The following QTMAN variants were observed in gnomAD, a reference collection of about 807,000 sequenced individuals.
The protein encoded by QTMAN is tRNA-queuosine alpha-mannosyltransferase.
At chr2:144,246,050 C>T in the QTMAN span, among the ~76,000 whole-genome samples, 3 of 152,158 alleles carry the variant, frequency 2.0e-5, no homozygotes, top group African/African-American at 4.8e-5. Context: ...TCCCTTAACA[C>T]AGACCTAATT....
chr2:144,060,084 T>A, the QTMAN span, among the ~76,000 whole-genome samples: 4 of 152,090 alleles, frequency 2.6e-5, no homozygotes, highest in Non-Finnish European at 5.9e-5. Flanking sequence ...CCTTCTCTGG[T>A]CAGTTCTTAA....
the QTMAN span, among the ~76,000 whole-genome samples, chr2:144,007,742 T>A: frequency 6.6e-6 from 1 of 152,092 alleles, no homozygotes; most frequent in Non-Finnish European, 1.5e-5. Context: ...CTTTGAATAG[T>A]TTCCAAAGAG....
chr2:144,019,096 T>C, the QTMAN span, among the ~76,000 whole-genome samples: 1 of 152,120 alleles, frequency 6.6e-6, no homozygotes, highest in Non-Finnish European at 1.5e-5. Context: ...GGACAAAAGA[T>C]GAGGCCTGAA....
At chr2:144,228,586 G>C in the QTMAN span, among the ~76,000 whole-genome samples, 1 of 152,162 alleles carries the variant, frequency 6.6e-6, no homozygotes, top group African/African-American at 2.4e-5. Context: ...TGGGGGGAGA[G>C]AAAACGGGAG....
the QTMAN span, among the ~76,000 whole-genome samples, chr2:144,148,906 G>A: frequency 6.6e-6 from 1 of 151,858 alleles, no homozygotes; most frequent in Non-Finnish European, 1.5e-5. Context: ...GCCCTCACTA[G>A]TTTTAAATAG....
the QTMAN span, among the ~76,000 whole-genome samples, chr2:144,198,610 C>T: frequency 6.6e-6 from 1 of 152,256 alleles, no homozygotes; most frequent in South Asian, 2.1e-4. Flanking sequence ...ATCCAGCTTG[C>T]CAATAGCCAA....
At chr2:144,200,904 C>T in the QTMAN span, among the ~76,000 whole-genome samples, 1 of 152,052 alleles carries the variant, frequency 6.6e-6, no homozygotes, top group Admixed American at 6.6e-5. Flanking sequence ...CGGTAGTGCG[C>T]AGAGCAGGAA....
At chr2:144,030,314 T>C in the QTMAN span, among the ~76,000 whole-genome samples, 3 of 152,162 alleles carry the variant, frequency 2.0e-5, no homozygotes, top group Admixed American at 1.3e-4. Flanking sequence ...ATCAGCTTCA[T>C]TGATGTTGTT....
At chr2:144,064,225 T>C in the QTMAN span, among the ~76,000 whole-genome samples, 14 of 152,154 alleles carry the variant, frequency 9.2e-5, no homozygotes, top group Admixed American at 9.2e-4. Context: ...ATAAAAGCAG[T>C]AGATCTAGCT....
the QTMAN span, among the ~76,000 whole-genome samples, chr2:144,107,734 T>A: frequency 1.3e-5 from 2 of 152,122 alleles, no homozygotes; most frequent in African/African-American, 4.8e-5. Flanking sequence ...AAAAGAGGTA[T>A]TCCTCCCTAA....
At chr2:144,099,113 G>T in the QTMAN span, among the ~76,000 whole-genome samples, 1 of 152,164 alleles carries the variant, frequency 6.6e-6, no homozygotes. Flanking sequence ...CATGACATAT[G>T]CATCTGCATT....
the QTMAN span, among the ~76,000 whole-genome samples, chr2:144,161,583 T>C: frequency 6.6e-6 from 1 of 152,068 alleles, no homozygotes; most frequent in Admixed American, 6.6e-5. Context: ...GAAAGAATGA[T>C]TGAGTCCTTT....
At chr2:143,970,423 G>C in the QTMAN span, among the ~76,000 whole-genome samples, 154 of 152,306 alleles carry the variant, frequency 1.0e-3, no homozygotes, top group Non-Finnish European at 1.7e-3. Flanking sequence ...AAGATGCACT[G>C]TATAAACTAT....
the QTMAN span, among the ~76,000 whole-genome samples, chr2:144,140,203 C>A: frequency 1.3e-5 from 2 of 151,970 alleles, no homozygotes; most frequent in African/African-American, 4.8e-5. Context: ...TATTTCTTAA[C>A]CTTTTTCTAT....
the QTMAN span, among the ~76,000 whole-genome samples, chr2:143,996,928 T>C: frequency 6.6e-6 from 1 of 152,134 alleles, no homozygotes; most frequent in Non-Finnish European, 1.5e-5. Flanking sequence ...ATAGTTTATA[T>C]AGCATGTAGG....
At chr2:144,028,797 T>C in the QTMAN span, among the ~76,000 whole-genome samples, 7 of 152,238 alleles carry the variant, frequency 4.6e-5, no homozygotes, top group Non-Finnish European at 1.0e-4. Context: ...AAGAAACTTG[T>C]TTGCAAAAGA....
chr2:144,055,334 G>GACACACACACACACACACAC, the QTMAN span, among the ~76,000 whole-genome samples: 1 of 132,774 alleles, frequency 7.5e-6, no homozygotes, highest in Non-Finnish European at 1.7e-5. Flanking sequence ...CAGACACACA[G>GACACACACACACACACACAC]ACACACACAC....
chr2:144,095,070 CT>C, the QTMAN span, among the ~76,000 whole-genome samples: 10 of 152,260 alleles, frequency 6.6e-5, no homozygotes, highest in Admixed American at 1.3e-4. Flanking sequence ...AGTTAAACTC[CT>C]TTTTAAAAGC....
the QTMAN span, among the ~76,000 whole-genome samples, chr2:144,222,809 G>GA: frequency 2.6e-5 from 4 of 151,994 alleles, no homozygotes; most frequent in South Asian, 4.2e-4. Flanking sequence ...CTCTGTCACA[G>GA]AAAAAAGAAA....
Sources: gnomAD v4.1 joint callset for allele counts (sites outside exome capture counted in the v4.1 genomes callset) on GRCh38, gnomAD v4.1.1 for gene constraint, MANE v1.5 for transcripts, NCBI Gene and HGNC (gene_info 2026-07-23, HGNC 2026-07-21) for gene names.